OPCML: variants seen among roughly 807,000 people sequenced by gnomAD.
OPCML encodes opioid-binding protein/cell adhesion molecule.
A neutral mutation model predicts 37.8 loss-of-function variants in OPCML; 13 were observed. The ratio of observed to expected loss-of-function variants is 0.34; its 90% CI spans 0.22 to 0.55. OPCML has a LOEUF of 0.55. OPCML is among the 20% of genes least tolerant of loss of function. The pLI, the probability that OPCML is intolerant of heterozygous loss-of-function variation, is 0.91. For missense variants in OPCML, 341 were observed against 435.6 expected (o/e 0.78, Z 1.93); for synonymous variants, 176 against 168.8 (o/e 1.04, Z -0.33).
intron 2 of OPCML, among the ~76,000 whole-genome samples, chr11:132,760,320 A>C (rs1280193354): frequency 6.6e-6 from 1 of 152,064 alleles, no homozygotes; most frequent in Non-Finnish European, 1.5e-5. Flanking sequence ...AGGTCCACTT[A>C]GTCCAGAGCT....
intron 3 of OPCML, among the ~76,000 whole-genome samples, chr11:132,589,685 G>A (rs2096481062): frequency 6.6e-6 from 1 of 152,212 alleles, no homozygotes; most frequent in African/African-American, 2.4e-5. Context: ...ATACAGTGGA[G>A]AGGAACTTCT....
At chr11:132,908,134 C>T (rs7939470) in intron 2 of OPCML, among the ~76,000 whole-genome samples, 4 of 152,242 alleles carry the variant, frequency 2.6e-5, no homozygotes, top group African/African-American at 7.2e-5. Flanking sequence ...GGAGCACAAG[C>T]GAGAGGACTT....
At chr11:133,333,388 G>GAA (rs146046958) in intron 1 of OPCML, among the ~76,000 whole-genome samples, 1 of 148,624 alleles carries the variant, frequency 6.7e-6, no homozygotes, top group African/African-American at 2.5e-5. Flanking sequence ...CAAGCAATGG[G>GAA]AAAAAAAAAA....
chr11:133,416,440 C>T (rs1331055777), intron 1 of OPCML, among the ~76,000 whole-genome samples: 1 of 152,214 alleles, frequency 6.6e-6, no homozygotes, highest in Non-Finnish European at 1.5e-5. Context: ...AACTCTGCCT[C>T]ATGGCTCAAT....
At chr11:133,042,139 C>T (rs561885864) in intron 1 of OPCML, among the ~76,000 whole-genome samples, 50 of 152,294 alleles carry the variant, frequency 3.3e-4, no homozygotes, top group Non-Finnish European at 2.5e-4. Context: ...AATGAGGCCC[C>T]GGCTCCTATT....
At chr11:133,134,759 T>A (rs1223211166) in intron 1 of OPCML, among the ~76,000 whole-genome samples, 1 of 152,154 alleles carries the variant, frequency 6.6e-6, no homozygotes, top group Admixed American at 6.6e-5. Flanking sequence ...CACCAGGTGG[T>A]GCTGTTCTCC....
chr11:133,388,220 T>C (rs910421282), intron 1 of OPCML, among the ~76,000 whole-genome samples: 1 of 152,228 alleles, frequency 6.6e-6, no homozygotes, highest in African/African-American at 2.4e-5. Flanking sequence ...ATAATCATGA[T>C]ATGCTAACAA....
At chr11:132,444,110 C>T (rs2096046178) in intron 4 of OPCML, among the ~76,000 whole-genome samples, 1 of 152,128 alleles carries the variant, frequency 6.6e-6, no homozygotes, top group Non-Finnish European at 1.5e-5. Flanking sequence ...GACGCCAGAC[C>T]CAGGTATCAG....
At chr11:133,480,931 C>G (rs187956393) in intron 1 of OPCML, among the ~76,000 whole-genome samples, 1 of 152,302 alleles carries the variant, frequency 6.6e-6, no homozygotes, top group African/African-American at 2.4e-5. Context: ...CTGTGTCATG[C>G]TGGAATTATT....
chr11:132,738,843 C>T lies in OPCML; in HGVS notation c.147-81524G>A, dbSNP rs116757625. ...CTGTAGTAGCATGTGGTACCTTCAA[C>T]CTTGTATTGAACTCTCAGAAAGGTG... On this transcript the variant is annotated intron_variant, in intron 2 of 7. Transcript: ENST00000524381. 2.9e-3 allele frequency among the ~76,000 whole-genome samples: 443 copies of T among 152,244 alleles called. 1 individual carries two copies. The highest frequency in any genetic ancestry group is 0.01 in the African/African-American group (422 of 41,536).
At chr11:133,401,242 GTAAGA>G (rs1197751159) in intron 1 of OPCML, among the ~76,000 whole-genome samples, 8 of 152,058 alleles carry the variant, frequency 5.3e-5, no homozygotes, top group Admixed American at 2.0e-4. Context: ...TTCCAAGAAA[GTAAGA>G]TAAGAATCAA....
rs779103584 is a variant in OPCML at position 133,008,379 on chromosome 11, T to C, written c.62-65369A>G. On this transcript the variant is annotated intron_variant, in intron 1 of 7. Transcript: ENST00000524381. ...ATGTTCCTTCAAAATCAGAGCACAA[T>C]TTCAGAGGACATCCGAGATTGTGCT... 8.1e-4 allele frequency: 798 copies of C among 985,278 alleles called. 1 individual carries two copies. Among genetic ancestry groups the C allele is most frequent in the Non-Finnish European group, 9.2e-4 (762 of 829,932 alleles). The allele number at this position is 985,278 out of a possible 1,614,324, so 61.0% of individuals were successfully genotyped here.
At chr11:132,529,280 A>G (rs1318267041) in intron 3 of OPCML, 94 bp from the exon 4 acceptor site, 1 of 1,433,104 alleles carries the variant, frequency 7.0e-7, no homozygotes, top group Non-Finnish European at 9.3e-7. Flanking sequence ...GCATGTTTTT[A>G]TAATAAATAT....
intron 2 of OPCML, among the ~76,000 whole-genome samples, chr11:132,877,640 G>A (rs553480288): frequency 1.3e-5 from 2 of 152,282 alleles, no homozygotes; most frequent in South Asian, 4.1e-4. Flanking sequence ...AAGTCCTATG[G>A]GAAGCTGGCT....
rs73027317 is a variant in OPCML, at chr11:133,206,924, C to A, written c.62-263914G>T. ...TCACCAATGACTGAGAAGCGAGGCC[C>A]GGATCACGTAATCCAGATGTTGCTC... On this transcript the variant is annotated intron_variant, in intron 1 of 7. Transcript: ENST00000524381. This position sits in a 1 kb window ranked among gnomAD's most constrained non-coding sequence, Gnocchi z 4.7. Among the ~76,000 whole-genome samples the A allele has an allele frequency of 6.6e-6, 1 of 151,988 alleles. No homozygotes were observed. Among genetic ancestry groups the A allele is most frequent in the African/African-American group, 2.4e-5 (1 of 41,376 alleles).
chr11:132,925,491 G>A (rs368517013), intron 2 of OPCML, among the ~76,000 whole-genome samples: 5 of 152,108 alleles, frequency 3.3e-5, no homozygotes, highest in Non-Finnish European at 7.4e-5. Flanking sequence ...CTGTACCTAC[G>A]CCTTTTCACC....
intron 1 of OPCML, among the ~76,000 whole-genome samples, chr11:133,051,647 G>T (rs768533489): frequency 6.6e-6 from 1 of 152,092 alleles, no homozygotes. Flanking sequence ...GCATCATGTC[G>T]ACATAGGACA....
intron 1 of OPCML, among the ~76,000 whole-genome samples, chr11:133,087,671 C>T (rs532361044): frequency 8.5e-5 from 13 of 152,278 alleles, no homozygotes; most frequent in African/African-American, 3.1e-4. Context: ...TTTAAGTTAA[C>T]ATTTAGGAGC....
chr11:132,561,292 T>A (rs576063946), intron 3 of OPCML, among the ~76,000 whole-genome samples: 1 of 152,358 alleles, frequency 6.6e-6, no homozygotes, highest in Non-Finnish European at 1.5e-5. Flanking sequence ...ATCTTCCACA[T>A]TGATGAGAAA....
Sources: gnomAD v4.1 joint callset for allele counts (sites outside exome capture counted in the v4.1 genomes callset) on GRCh38, gnomAD v4.1.1 for gene constraint, Gnocchi (gnomAD v3.1) non-coding constraint, MANE v1.5 for transcripts, NCBI Gene and HGNC (gene_info 2026-07-23, HGNC 2026-07-21) for gene names.